Variants in INPP4A observed in about 807,000 individuals in gnomAD.
INPP4A encodes the protein inositol polyphosphate-4-phosphatase, type I, 107kD.
A neutral mutation model predicts 119.8 loss-of-function variants in INPP4A; 33 were observed. The observed-to-expected ratio is 0.28, with a 90% CI of 0.21 to 0.37. The LOEUF is 0.37. Ranked by LOEUF, INPP4A falls within the 10% of genes least tolerant of loss-of-function variation. The pLI is 1.00. For synonymous variants in INPP4A, 496 were observed against 500.7 expected (o/e 0.99, Z 0.12); for missense variants, 956 against 1,289.9 (o/e 0.74, Z 3.97).
rs1338393486 is a variant in INPP4A at position 98,589,438 on chromosome 2, A to G, written c.*1830A>G. On this transcript the variant is annotated 3_prime_UTR_variant, in exon 25 of 25. Coordinates refer to ENST00000409851, the MANE Select transcript of INPP4A (RefSeq NM_001134225.2). ...TGCTTTTTAAAAATAAATATTACCC[A>G]CATAGTTTTCAGATCTTTTTTGTCT... The G allele has an allele frequency of 5.5e-6, 1 of 182,352 alleles. No homozygotes were observed. The highest frequency in any genetic ancestry group is 1.2e-5 in the Non-Finnish European group (1 of 85,634). 11.3% of individuals were successfully genotyped at this position (182,352 alleles called of 1,614,324 possible).
At chr2:98,445,380 G>C (rs1452930478) in intron 1 of INPP4A, among the ~76,000 whole-genome samples, 1 of 152,198 alleles carries the variant, frequency 6.6e-6, no homozygotes, top group Non-Finnish European at 1.5e-5. Context: ...GTGCCTGCCC[G>C]ATGCGGCTCC....
At chr2:98,472,841 A>G (rs913542125) in intron 1 of INPP4A, among the ~76,000 whole-genome samples, 5 of 152,238 alleles carry the variant, frequency 3.3e-5, no homozygotes, top group Non-Finnish European at 5.9e-5. Flanking sequence ...TGTGGAGTCC[A>G]GCCTCCAGGC....
In INPP4A at chr2:98,554,212, C is replaced by G; in HGVS notation, c.1348-59C>G. 1 of 1,347,660 alleles carries G rather than the reference C, an allele frequency of 7.4e-7. No individual in the cohort carries two copies. The highest frequency in any genetic ancestry group is 1.0e-6 in the Non-Finnish European group (1 of 974,268). The allele number at this position is 1,347,660 out of a possible 1,614,324, so 83.5% of individuals were successfully genotyped here. ...CCCATTCTCCATTTCTGAGATAAGGCAGGGGCCTCCCCAGCCCCTGGCCTG... is the reference window on the plus strand; with the variant it reads ...CCCATTCTCCATTTCTGAGATAAGGGAGGGGCCTCCCCAGCCCCTGGCCTG... On this transcript the variant is annotated intron_variant, in intron 14 of 24. Coordinates refer to ENST00000409851, the MANE Select transcript of INPP4A (RefSeq NM_001134225.2). This position sits in a 1 kb window ranked among gnomAD's most constrained non-coding sequence, Gnocchi z 4.7.
chr2:98,552,037 A>G (rs1430610805), intron 13 of INPP4A, among the ~76,000 whole-genome samples: 2 of 152,158 alleles, frequency 1.3e-5, no homozygotes, highest in African/African-American at 4.8e-5. Flanking sequence ...GCTTGGCATC[A>G]GATCCCTAGA....
intron 18 of INPP4A, among the ~76,000 whole-genome samples, 171 bp from the exon 19 acceptor site, chr2:98,564,469 C>T (rs1696059651): frequency 6.6e-6 from 1 of 152,242 alleles, no homozygotes; most frequent in South Asian, 2.1e-4. Flanking sequence ...GGGCGTCTTC[C>T]CATGGCCAGG....
At chr2:98,550,184 G>C (rs2106157986) in intron 13 of INPP4A, among the ~76,000 whole-genome samples, 1 of 152,186 alleles carries the variant, frequency 6.6e-6, no homozygotes, top group African/African-American at 2.4e-5. Context: ...ATCTGGGCCT[G>C]GTCACCCCTT....
At chr2:98,522,273 C>T (rs571706503) in intron 4 of INPP4A, among the ~76,000 whole-genome samples, 388 of 138,778 alleles carry the variant, frequency 2.8e-3, no homozygotes, top group Non-Finnish European at 4.4e-3. Context: ...GGCAACAGAG[C>T]GAGACTCTGT....
chr2:98,486,062 G>A (rs1679474171), intron 1 of INPP4A, among the ~76,000 whole-genome samples: 1 of 152,116 alleles, frequency 6.6e-6, no homozygotes, highest in East Asian at 1.9e-4. Context: ...CACACAGTAG[G>A]GCACAGGCTA....
At position 98,481,487 on chromosome 2, in the gene INPP4A, G is replaced by A. The variant is rs76617174; in HGVS notation, c.-166+36402G>A. 6.6e-4 allele frequency among the ~76,000 whole-genome samples: 101 copies of A among 152,308 alleles called. 2 individuals are homozygous for A. The East Asian group carries it at 0.01, about 15-fold the overall frequency. On this transcript the variant is annotated intron_variant, in intron 1 of 24. Transcript: ENST00000409851. ...ATCCTGTGGTCTCTTTGGGGTGCTG[G>A]TTTCTTTAGGGAGCTGCATTTGGCT...
At chr2:98,515,372 G>C (rs113981043) in intron 1 of INPP4A, among the ~76,000 whole-genome samples, 2,326 of 151,640 alleles carry the variant, frequency 0.015, 65 homozygotes, top group African/African-American at 0.054. Context: ...TTGGAGAGCA[G>C]AGGCACAGTG....
In INPP4A at chr2:98,572,910, C is replaced by G. The variant is rs1187659012; in HGVS notation, c.2614C>G (p.Leu872Val). The G allele has an allele frequency of 1.9e-6, 3 of 1,572,288 alleles. No homozygotes were observed. Among genetic ancestry groups the G allele is most frequent in the African/African-American group, 2.7e-5 (2 of 73,820 alleles). The change falls in exon 23 of 25, where the codon CTC becomes GTC. Residue 872 changes from leucine (L) to valine (V), a missense_variant. Leu to Val is a conservative substitution (Grantham distance 32). Around this residue, in one of 2 missense-constraint regions of INPP4A, gnomAD observed 304 missense variants for 492.1 expected, o/e 0.62. Transcript: ENST00000409851. Reference protein sequence around the residue: ...HARKNKNVDILWQAAEICRRL... With the variant: ...HARKNKNVDIVWQAAEICRRL... Reference sequence around the variant, plus strand: ...CCGGAAGAATAAGAACGTCGACATTCTCTGGCAAGCTGCTGAGGTACTGGT... The same window carrying G: ...CCGGAAGAATAAGAACGTCGACATTGTCTGGCAAGCTGCTGAGGTACTGGT...
intron 24 of INPP4A, chr2:98,581,854 C>G: frequency 6.8e-7 from 1 of 1,460,384 alleles, no homozygotes; most frequent in Non-Finnish European, 9.0e-7. Context: ...ATGTGTCAAA[C>G]CGTGGTCTGC....
intron 1 of INPP4A, among the ~76,000 whole-genome samples, chr2:98,455,690 GCATTGGA>G (rs1696018398): frequency 6.6e-6 from 1 of 152,172 alleles, no homozygotes; most frequent in African/African-American, 2.4e-5. Context: ...GATTTAGTTG[GCATTGGA>G]CTAAGACACA....
chr2:98,553,900 C>T (rs1208961083), intron 14 of INPP4A, among the ~76,000 whole-genome samples: 1 of 152,224 alleles, frequency 6.6e-6, no homozygotes, highest in Non-Finnish European at 1.5e-5. Context: ...AAAGTAAGGC[C>T]TGACCCCTGG....
intron 4 of INPP4A, among the ~76,000 whole-genome samples, chr2:98,530,729 A>G (rs1268924886): frequency 6.6e-6 from 1 of 152,212 alleles, no homozygotes; most frequent in African/African-American, 2.4e-5. Flanking sequence ...AGGAGATAAG[A>G]AATATGAACA....
At position 98,524,286 on chromosome 2, in the gene INPP4A, C is replaced by T. The variant is rs372935660; in HGVS notation, c.151+3555C>T. Reference sequence around the variant, plus strand: ...GTGTTTATTCAGCTGGGATTACAGACGATCAGGTTGGAGAGACAAGGCTTA... The same window carrying T: ...GTGTTTATTCAGCTGGGATTACAGATGATCAGGTTGGAGAGACAAGGCTTA... On this transcript the variant is annotated intron_variant, in intron 4 of 24. Coordinates refer to ENST00000409851, the MANE Select transcript of INPP4A (RefSeq NM_001134225.2). Among the ~76,000 whole-genome samples the T allele has an allele frequency of 3.1e-4, 47 of 152,218 alleles. 2 individuals carry two copies. The South Asian group carries it at 9.1e-3, about 30-fold the overall frequency.
In INPP4A at chr2:98,535,838, A is replaced by G. The variant is rs747516165; in HGVS notation, c.380A>G (p.Gln127Arg). ...LSVYDVKDRSQGTMYLLGSGT... is the reference protein window; with the variant it reads ...LSVYDVKDRSRGTMYLLGSGT... Reference sequence around the variant, plus strand: ...GTGTATGATGTCAAAGATAGATCTCAGGGAACAGTTAAGTAATGTGTTGTA... The same window carrying G: ...GTGTATGATGTCAAAGATAGATCTCGGGGAACAGTTAAGTAATGTGTTGTA... Residue 127 changes from glutamine (Q) to arginine (R), a missense_variant, in exon 6 of 25, where the codon CAG becomes CGG. Coordinates refer to ENST00000409851, the MANE Select transcript of INPP4A (RefSeq NM_001134225.2). The G allele has an allele frequency of 2.0e-6, 3 of 1,470,816 alleles. No individual in the cohort carries two copies. Among genetic ancestry groups the G allele is most frequent in the South Asian group, 2.4e-5 (2 of 84,566 alleles). The allele number at this position is 1,470,816 out of a possible 1,614,324, so 91.1% of individuals were successfully genotyped here.
Position 98,593,207 on chromosome 2 carries a change from C to T in INPP4A, c.*5599C>T, listed in dbSNP as rs945103392. On this transcript the variant is annotated 3_prime_UTR_variant, in exon 25 of 25. Transcript: ENST00000409851. ...GGCCAGTCCAGGCAGGTCTTTCACA[C>T]TGTTGTCCCACATAACAGAAAAAGC... The T allele has an allele frequency of 2.0e-5, 3 of 152,396 alleles. No individual in the cohort carries two copies. The highest frequency in any genetic ancestry group is 7.2e-5 in the African/African-American group (3 of 41,480). The allele number at this position is 152,396 out of a possible 1,614,324, so 9.4% of individuals were successfully genotyped here. A position where few individuals can be genotyped will look rare whatever the true frequency, so the allele number is the denominator to read the frequency against.
intron 23 of INPP4A, 72 bp from the exon 24 acceptor site, chr2:98,576,917 T>C (rs1303816853): frequency 1.3e-6 from 2 of 1,537,650 alleles, no homozygotes; most frequent in African/African-American, 2.7e-5. Context: ...TTGGGAGCCT[T>C]TCCTGTGTGT....
Sources: allele counts gnomAD v4.1 joint callset (sites outside exome capture counted in the v4.1 genomes callset), GRCh38; gene constraint gnomAD v4.1.1; regional missense constraint gnomAD v4.1.1; non-coding constraint Gnocchi (gnomAD v3.1); transcripts MANE v1.5; gene names NCBI Gene and HGNC (gene_info 2026-07-23, HGNC 2026-07-21).